The following VSTM4 variants were observed in gnomAD, a reference collection of about 807,000 sequenced individuals.
VSTM4 encodes V-set and transmembrane domain-containing protein 4.
A neutral mutation model predicts 36.4 loss-of-function variants in VSTM4; 20 were observed. The ratio of observed to expected loss-of-function variants is 0.55; its 90% CI spans 0.39 to 0.80. VSTM4 has a LOEUF of 0.80. Ranked by LOEUF, VSTM4 falls within the 30% of genes least tolerant of loss-of-function variation. The probability of loss-of-function intolerance (pLI) is 0.00; values close to 1 mark genes in which losing one functional copy is unlikely to be tolerated. For missense variants in VSTM4, 392 were observed against 404.5 expected (o/e 0.97, Z 0.26); for synonymous variants, 182 against 173.9 (o/e 1.05, Z -0.37).
chr10:49,100,627 G>A (rs1441791117), intron 2 of VSTM4, among the ~76,000 whole-genome samples: 1 of 151,884 alleles, frequency 6.6e-6, no homozygotes, highest in East Asian at 1.9e-4. Flanking sequence ...CAAGTTCCTG[G>A]ATAGGAACAT....
chr10:49,061,042 C>T (rs1843867828), intron 5 of VSTM4, among the ~76,000 whole-genome samples: 1 of 152,194 alleles, frequency 6.6e-6, no homozygotes, highest in Non-Finnish European at 1.5e-5. Flanking sequence ...ATCAATACTT[C>T]AGTGTCTCCA....
At chr10:49,057,058 C>T (rs998115498) in intron 5 of VSTM4, among the ~76,000 whole-genome samples, 5 of 151,894 alleles carry the variant, frequency 3.3e-5, no homozygotes, top group Non-Finnish European at 2.9e-5. Flanking sequence ...AACTAGATCT[C>T]GTGTGAATTC....
In VSTM4 at chr10:49,016,308, TC is replaced by T. The variant is rs1277517393; in HGVS notation, c.*3341del. 6.6e-6 allele frequency: 1 copy of T among 152,198 alleles called. No homozygotes were observed. Among genetic ancestry groups the T allele is most frequent in the African/African-American group, 2.4e-5 (1 of 41,436 alleles). The allele number at this position is 152,198 out of a possible 1,614,324, so 9.4% of individuals were successfully genotyped here. A position where few individuals can be genotyped will look rare whatever the true frequency, so the allele number is the denominator to read the frequency against. On this transcript the variant is annotated 3_prime_UTR_variant, in exon 8 of 8. Transcript: ENST00000332853. ...AGGGACTTGGGTAGAGTCCTGCCCT[TC>T]CAGGACATTCTCCTCCCTGCTGCTT...
At chr10:49,034,611 A>G (rs1363008350) in intron 7 of VSTM4, among the ~76,000 whole-genome samples, 1 of 152,254 alleles carries the variant, frequency 6.6e-6, no homozygotes. Context: ...AATGCACCAT[A>G]AGTTTATTGC....
chr10:49,033,907 A>G (rs1402358875), intron 7 of VSTM4, among the ~76,000 whole-genome samples: 1 of 151,990 alleles, frequency 6.6e-6, no homozygotes, highest in Non-Finnish European at 1.5e-5. Flanking sequence ...CATCACCACC[A>G]TCATCATCAC....
rs1844305738 is a variant in VSTM4 at position 49,082,914 on chromosome 10, C to A, written c.526+3041G>T. Among the ~76,000 whole-genome samples, 3 of 152,340 alleles carry A rather than the reference C, an allele frequency of 2.0e-5. No individual in the cohort carries two copies. In the South Asian group the frequency reaches 6.2e-4, roughly 32 times the overall value. On this transcript the variant is annotated intron_variant, in intron 3 of 7. Coordinates refer to ENST00000332853, the MANE Select transcript of VSTM4 (RefSeq NM_001031746.5). ...GAGCAGCTGCCCATGCAGAGACAGG[C>A]CAAGACTGGGGTGCATAATGTCAGC...
intron 7 of VSTM4, among the ~76,000 whole-genome samples, chr10:49,039,205 C>T (rs1432205844): frequency 2.6e-5 from 4 of 151,936 alleles, no homozygotes; most frequent in South Asian, 2.1e-4. Context: ...AGCAGCTCTG[C>T]GGGAGGATGA....
At chr10:49,105,908 C>T (rs1267420074) in intron 2 of VSTM4, among the ~76,000 whole-genome samples, 1 of 151,596 alleles carries the variant, frequency 6.6e-6, no homozygotes, top group Non-Finnish European at 1.5e-5. Flanking sequence ...TATAAAAGAT[C>T]TTGTGTTTCA....
intron 6 of VSTM4, 150 bp from the exon 7 acceptor site, chr10:49,047,194 C>T: frequency 1.2e-6 from 1 of 802,312 alleles, no homozygotes; most frequent in Non-Finnish European, 2.1e-6. Context: ...CAGCAAGTGC[C>T]CCTCGGCGGG....
chr10:49,074,609 T>C (rs925196480), intron 4 of VSTM4, among the ~76,000 whole-genome samples: 9 of 152,226 alleles, frequency 5.9e-5, no homozygotes, highest in African/African-American at 2.2e-4. Context: ...GGCCCCACAG[T>C]GAGTTGAAAG....
chr10:49,042,661 A>C (rs558164922), intron 7 of VSTM4, among the ~76,000 whole-genome samples: 69 of 152,372 alleles, frequency 4.5e-4, no homozygotes, highest in South Asian at 8.3e-4. Flanking sequence ...TTATGGATGT[A>C]GAATTACAGA....
chr10:49,108,620 A>G (rs943459903), intron 1 of VSTM4, among the ~76,000 whole-genome samples: 2 of 152,196 alleles, frequency 1.3e-5, no homozygotes, highest in South Asian at 2.1e-4. Context: ...TTGGTTTCCT[A>G]TTTGTAGGAT....
Position 49,020,550 on chromosome 10 carries a change from G to A in VSTM4, c.838-775C>T, listed in dbSNP as rs1405472354. ...AAGAGACATAAACAAAATGAAGGAA[G>A]TTTAAAAATGCTTAAACAAGACAGT... On this transcript the variant is annotated intron_variant, in intron 7 of 7. Coordinates refer to ENST00000332853, the MANE Select transcript of VSTM4 (RefSeq NM_001031746.5). 2.7e-5 allele frequency among the ~76,000 whole-genome samples: 4 copies of A among 148,484 alleles called. No individual in the cohort carries two copies. The East Asian group carries it at 5.9e-4, about 22-fold the overall frequency.
chr10:49,028,953 AG>A (rs1321153490), intron 7 of VSTM4, among the ~76,000 whole-genome samples: 1 of 152,256 alleles, frequency 6.6e-6, no homozygotes. Flanking sequence ...ACAAATTATC[AG>A]GGGCAGACTT....
chr10:49,105,286 G>A (rs1260066678), intron 2 of VSTM4, among the ~76,000 whole-genome samples: 1 of 121,976 alleles, frequency 8.2e-6, no homozygotes, highest in Non-Finnish European at 1.7e-5. Context: ...AGAGAGAGAC[G>A]AAGAGACACA....
chr10:49,031,704 T>A (rs1843348598), intron 7 of VSTM4, among the ~76,000 whole-genome samples: 1 of 152,194 alleles, frequency 6.6e-6, no homozygotes, highest in African/African-American at 2.4e-5. Context: ...TGCACACAGT[T>A]CTCCAGTGGT....
intron 1 of VSTM4, among the ~76,000 whole-genome samples, chr10:49,110,219 C>T (rs61848418): frequency 1.3e-5 from 2 of 152,228 alleles, no homozygotes; most frequent in Non-Finnish European, 2.9e-5. Context: ...CCCCACGCCC[C>T]AGGCTCCTCC....
At chr10:49,032,083 G>A (rs1233792426) in intron 7 of VSTM4, among the ~76,000 whole-genome samples, 2 of 151,858 alleles carry the variant, frequency 1.3e-5, no homozygotes, top group African/African-American at 4.8e-5. Flanking sequence ...ACTGCTCTCA[G>A]AGCACATATC....
chr10:49,112,670 G>T (rs1490166208), intron 1 of VSTM4, among the ~76,000 whole-genome samples: 1 of 152,210 alleles, frequency 6.6e-6, no homozygotes, highest in African/African-American at 2.4e-5. Context: ...GGACCCCATG[G>T]TTGGAAGTCC....
Sources: gnomAD v4.1 joint callset for allele counts (sites outside exome capture counted in the v4.1 genomes callset) on GRCh38, gnomAD v4.1.1 for gene constraint, MANE v1.5 for transcripts, NCBI Gene and HGNC (gene_info 2026-07-23, HGNC 2026-07-21) for gene names.